SAE1: variants seen among roughly 807,000 people sequenced by gnomAD.
SAE1 encodes SUMO-activating enzyme subunit 1.
SAE1 carries 11 observed loss-of-function variants against 40.6 expected under a neutral mutation model. That is an observed-to-expected ratio of 0.27 (90% CI 0.17 to 0.45). SAE1 has a LOEUF of 0.45. Among genes scored for constraint, SAE1 ranks in the 20% least tolerant of loss-of-function variants. The pLI is 1.00. For synonymous variants in SAE1, 155 were observed against 154.3 expected, an observed-to-expected ratio of 1.00 and a Z score of -0.03; for missense variants, 373 against 427.3, an observed-to-expected ratio of 0.87 and a Z score of 1.12.
intron 6 of SAE1, among the ~76,000 whole-genome samples, chr19:47,172,649 G>C (rs907080328): frequency 2.0e-5 from 3 of 151,566 alleles, no homozygotes; most frequent in Non-Finnish European, 2.9e-5. Flanking sequence ...TGCAGAATCC[G>C]AGATCATGCC....
intron 5 of SAE1, among the ~76,000 whole-genome samples, chr19:47,158,457 T>TA: frequency 6.6e-6 from 1 of 152,234 alleles, no homozygotes; most frequent in South Asian, 2.1e-4. Context: ...ACATGGACAC[T>TA]GACATGCAGG....
intron 6 of SAE1, among the ~76,000 whole-genome samples, chr19:47,175,691 C>T (rs569852626): frequency 2.6e-5 from 4 of 152,242 alleles, no homozygotes; most frequent in South Asian, 4.1e-4. Flanking sequence ...GAGCCGAGAT[C>T]GTGCCACTGC....
rs760904459 is a variant in SAE1 at position 47,150,236 on chromosome 19, T to G, written c.245T>G (p.Ile82Ser). ...GAAGATCCCGGAGCTCAGTTCTTGA[T>G]TCGTACTGGGTCTGTTGGCCGAAAT... ...TPEDPGAQFL[I>S]RTGSVGRNRA... is the part of the protein sequence containing the mutation. The change falls in exon 3 of 9, where the codon ATT becomes AGT. Residue 82 changes from isoleucine to serine, a missense_variant. By Grantham distance (142) the Ile-to-Ser change is moderately radical. This residue lies in a region of SAE1 where 351 missense variants were observed against 390.6 expected (regional missense o/e 0.90). Transcript: ENST00000270225. 6.2e-7 allele frequency: 1 copy of G among 1,608,560 alleles called. No individual in the cohort carries two copies.
intron 3 of SAE1, 22 bp downstream of exon 3, chr19:47,150,397 C>G: frequency 6.3e-7 from 1 of 1,578,772 alleles, no homozygotes; most frequent in Non-Finnish European, 8.6e-7. Context: ...ATTATAAAAT[C>G]TGCTGTGGGA....
In SAE1 at chr19:47,152,937, G is replaced by C; in HGVS notation, c.424G>C (p.Val142Leu). 6.2e-7 allele frequency: 1 copy of C among 1,612,358 alleles called. No homozygotes were observed. Among genetic ancestry groups the C allele is most frequent in the Non-Finnish European group, 8.5e-7 (1 of 1,179,922 alleles). Residue 142 changes from valine (V) to leucine (L), a missense_variant, in exon 4 of 9, where the codon GTT becomes CTT. Coordinates refer to ENST00000270225, the MANE Select transcript of SAE1 (RefSeq NM_005500.3). ...TCCSRDVIVK[V>L]DQICHKNSIK... ...CTGCTCCAGGGATGTCATAGTTAAA[G>C]TTGACCAGATCTGTCACAAAAATAG... is the stretch of plus-strand genomic sequence containing the variant.
chr19:47,154,033 C>T (rs1453715776), intron 4 of SAE1, among the ~76,000 whole-genome samples: 1 of 151,862 alleles, frequency 6.6e-6, no homozygotes, highest in Non-Finnish European at 1.5e-5. Context: ...TCAGGTGATC[C>T]ACCCACCTCG....
chr19:47,193,057 C>T (rs1056189425), intron 6 of SAE1, among the ~76,000 whole-genome samples: 3 of 137,018 alleles, frequency 2.2e-5, no homozygotes, highest in Admixed American at 1.5e-4. Context: ...TGGTCACAGC[C>T]TTTTTTTTTT....
intron 5 of SAE1, among the ~76,000 whole-genome samples, chr19:47,169,317 C>T (rs936192554): frequency 1.3e-5 from 2 of 152,044 alleles, no homozygotes; most frequent in Non-Finnish European, 2.9e-5. Context: ...GCGATCTTGG[C>T]TCGCTGCAAA....
chr19:47,143,481 G>C lies in SAE1; in HGVS notation c.99-13G>C, dbSNP rs756471984. The C allele has an allele frequency of 6.2e-7, 1 of 1,600,814 alleles. No individual in the cohort carries two copies. Among genetic ancestry groups the C allele is most frequent in the Non-Finnish European group, 8.6e-7 (1 of 1,167,986 alleles). On this transcript the variant is annotated splice_polypyrimidine_tract_variant and intron_variant, in intron 1 of 8. Transcript: ENST00000270225. ...TGTTCTGTATCATCAGGTTAACAAT[G>C]TTTGTCTTACAGGCTGCGGGCCTCT...
rs200468247 is a variant in SAE1 at position 47,198,114 on chromosome 19, CTTT to C, written c.878+747_878+749del. Among the ~76,000 whole-genome samples the C allele has an allele frequency of 4.8e-5, 7 of 146,174 alleles. No individual in the cohort carries two copies. The Admixed American group carries it at 4.8e-4, about 10-fold the overall frequency. On this transcript the variant is annotated intron_variant, in intron 7 of 8. Coordinates refer to ENST00000270225, the MANE Select transcript of SAE1 (RefSeq NM_005500.3). The stretch of plus-strand genomic sequence containing the variant: ...TGACTAGGTCACAATCTCTCTCTCT[CTTT>C]TTTTTTTTTGAGACAGAGTTTTGCT...
At chr19:47,197,189 A>G (rs753040349) in intron 6 of SAE1, 44 bp from the exon 7 acceptor site, 1 of 1,568,782 alleles carries the variant, frequency 6.4e-7, no homozygotes, top group East Asian at 2.3e-5. Flanking sequence ...TCCAAAAAAA[A>G]AAAAAAGTGG....
intron 8 of SAE1, among the ~76,000 whole-genome samples, chr19:47,204,444 C>T (rs1322971923): frequency 1.3e-5 from 2 of 150,514 alleles, no homozygotes; most frequent in Non-Finnish European, 3.0e-5. Flanking sequence ...GTGATCTGCC[C>T]ACCTCAGCCT....
intron 6 of SAE1, among the ~76,000 whole-genome samples, chr19:47,171,136 A>G (rs1446014737): frequency 6.7e-6 from 1 of 149,432 alleles, no homozygotes; most frequent in South Asian, 2.1e-4. Flanking sequence ...CACCACACCC[A>G]GCTAATTTTT....
rs1298111724 is a variant in SAE1 at position 47,154,899 on chromosome 19, G to A, written c.528-215G>A. 3.3e-5 allele frequency among the ~76,000 whole-genome samples: 5 copies of A among 152,194 alleles called. No individual in the cohort carries two copies. In the East Asian group the frequency reaches 5.8e-4, roughly 18 times the overall value. On this transcript the variant is annotated intron_variant, in intron 4 of 8. Coordinates refer to ENST00000270225, the MANE Select transcript of SAE1 (RefSeq NM_005500.3). ...CCCAGCAGTGTGCTGAGCAACTTAC[G>A]CTGCTCTGTTTTTCCCACAATAATT...
intron 6 of SAE1, among the ~76,000 whole-genome samples, chr19:47,174,727 C>T (rs967927408): frequency 1.3e-5 from 2 of 152,100 alleles, no homozygotes; most frequent in East Asian, 3.9e-4. Flanking sequence ...TGCCCGCCAC[C>T]ATGCCCGGCT....
chr19:47,130,902 C>A lies in SAE1; in HGVS notation c.-29C>A. ...CGGCGGGCGGTTGGCTTGAGCGGGA[C>A]CGGAGCTGAGGCAGGAAGAGCCGGC... On this transcript the variant is annotated 5_prime_UTR_variant, in exon 1 of 9. Coordinates refer to ENST00000270225, the MANE Select transcript of SAE1 (RefSeq NM_005500.3). 1 of 1,548,210 alleles carries A rather than the reference C, an allele frequency of 6.5e-7. No individual in the cohort carries two copies. The highest frequency in any genetic ancestry group is 8.7e-7 in the Non-Finnish European group (1 of 1,146,298).
intron 1 of SAE1, among the ~76,000 whole-genome samples, chr19:47,142,939 C>T (rs1193355797): frequency 3.3e-5 from 5 of 152,084 alleles, no homozygotes; most frequent in African/African-American, 9.7e-5. Flanking sequence ...TTCATGAGGG[C>T]AGGGACTATG....
chr19:47,178,413 G>T (rs2058484040), intron 6 of SAE1, among the ~76,000 whole-genome samples: 1 of 152,132 alleles, frequency 6.6e-6, no homozygotes, highest in Non-Finnish European at 1.5e-5. Flanking sequence ...CCAAGTTAGG[G>T]GAAAGTACTG....
At chr19:47,200,285 G>T (rs2058645069) in intron 7 of SAE1, among the ~76,000 whole-genome samples, 1 of 149,144 alleles carries the variant, frequency 6.7e-6, no homozygotes, top group Admixed American at 6.7e-5. Context: ...CTAGGCTAGA[G>T]TGCAGTGGCA....
Sources: gnomAD v4.1 joint callset for allele counts (sites outside exome capture counted in the v4.1 genomes callset) on GRCh38, gnomAD v4.1.1 for gene constraint, gnomAD v4.1.1 regional missense constraint, MANE v1.5 for transcripts, NCBI Gene and HGNC (gene_info 2026-07-23, HGNC 2026-07-21) for gene names.